Variants in HMCN1 observed in about 807,000 individuals in gnomAD.
The protein encoded by HMCN1 is hemicentin-1.
In HMCN1, 321 loss-of-function variants were observed where a neutral mutation model predicts 625.9. The ratio of observed to expected loss-of-function variants is 0.51; its 90% confidence interval spans 0.47 to 0.56. The LOEUF is 0.56. Ranked by LOEUF, HMCN1 falls within the 20% of genes least tolerant of loss-of-function variation. The pLI, the probability that HMCN1 is intolerant of heterozygous loss-of-function variation, is 0.00. For synonymous variants in HMCN1, 2,425 were observed against 2,417.6 expected (o/e 1.00, Z -0.09); for missense variants, 6,588 against 6,887.3 (o/e 0.96, Z 1.54).
intron 29 of HMCN1, among the ~76,000 whole-genome samples, chr1:186,005,911 G>A (rs937709648): frequency 2.6e-5 from 4 of 152,100 alleles, no homozygotes; most frequent in Non-Finnish European, 5.9e-5. Flanking sequence ...CAAGGCAAGC[G>A]GATCACCTGA....
At chr1:186,053,135 G>A (rs962824202) in intron 43 of HMCN1, 61 bp downstream of exon 43, 261 of 1,467,024 alleles carry the variant, frequency 1.8e-4, no homozygotes, top group African/African-American at 4.1e-4. Flanking sequence ...TATTGATTTC[G>A]TTTAATAAAT....
At chr1:186,081,057 G>A in intron 55 of HMCN1, 150 bp from the exon 56 acceptor site, 2 of 765,158 alleles carry the variant, frequency 2.6e-6, no homozygotes, top group Non-Finnish European at 4.8e-6. Flanking sequence ...CAATTTATTA[G>A]TATAAAATGT....
intron 22 of HMCN1, 58 bp downstream of exon 22, chr1:185,990,501 A>T (rs1652352948): frequency 6.9e-7 from 1 of 1,443,526 alleles, no homozygotes; most frequent in South Asian, 1.1e-5. Flanking sequence ...CTTGGGACAG[A>T]TGGCCATGCC....
chr1:185,972,352 C>T (rs996969258), intron 15 of HMCN1, among the ~76,000 whole-genome samples: 6 of 152,172 alleles, frequency 3.9e-5, no homozygotes, highest in Admixed American at 2.6e-4. Flanking sequence ...ATTCCTTCTT[C>T]CATCCAGTGA....
intron 105 of HMCN1, among the ~76,000 whole-genome samples, chr1:186,186,070 T>C (rs1470766378): frequency 1.3e-5 from 2 of 152,238 alleles, no homozygotes. Context: ...GCTTTAAATA[T>C]ATTTTCATGA....
chr1:186,172,487 G>C (rs893185120), intron 102 of HMCN1, among the ~76,000 whole-genome samples: 2 of 152,122 alleles, frequency 1.3e-5, no homozygotes, highest in African/African-American at 4.8e-5. Context: ...TGTCTGTAGA[G>C]ATTAAAATTC....
chr1:185,828,421 C>T (rs986754843), intron 1 of HMCN1, among the ~76,000 whole-genome samples: 1 of 152,016 alleles, frequency 6.6e-6, no homozygotes, highest in East Asian at 1.9e-4. Context: ...TATGTACTAA[C>T]AACATCAACA....
chr1:185,784,512 T>C (rs1411915021), intron 1 of HMCN1, among the ~76,000 whole-genome samples: 2 of 150,618 alleles, frequency 1.3e-5, no homozygotes, highest in African/African-American at 4.9e-5. Flanking sequence ...ACTTTTCTCT[T>C]TTTTTTTTGC....
chr1:185,859,020 T>G (rs1286314019), intron 2 of HMCN1, among the ~76,000 whole-genome samples: 6 of 558 alleles, frequency 0.011, no homozygotes, highest in African/African-American at 0.094. Context: ...GGGTTAAAGA[T>G]GTGTGTGTGT....
At chr1:185,896,326 A>G (rs926831255) in intron 4 of HMCN1, among the ~76,000 whole-genome samples, 1 of 152,178 alleles carries the variant, frequency 6.6e-6, no homozygotes, top group Non-Finnish European at 1.5e-5. Context: ...ATGGGTGAAT[A>G]CATAGTATTA....
intron 4 of HMCN1, among the ~76,000 whole-genome samples, chr1:185,875,887 C>T (rs776491493): frequency 2.0e-5 from 3 of 151,968 alleles, no homozygotes; most frequent in Non-Finnish European, 4.4e-5. Flanking sequence ...AAGAACACCC[C>T]TCATTTTCTG....
At chr1:186,070,184 C>A (rs747036181) in intron 51 of HMCN1, among the ~76,000 whole-genome samples, 12 of 152,176 alleles carry the variant, frequency 7.9e-5, no homozygotes, top group Non-Finnish European at 1.6e-4. Context: ...AAATAAAAAG[C>A]AAAGCTAACA....
intron 30 of HMCN1, among the ~76,000 whole-genome samples, chr1:186,011,904 T>C (rs1053100683): frequency 6.6e-6 from 1 of 152,172 alleles, no homozygotes; most frequent in East Asian, 1.9e-4. Context: ...TAAGAGTGTT[T>C]AAGAATGATT....
At chr1:185,787,648 T>C (rs1312938886) in intron 1 of HMCN1, among the ~76,000 whole-genome samples, 1 of 147,534 alleles carries the variant, frequency 6.8e-6, no homozygotes, top group Non-Finnish European at 1.5e-5. Context: ...ATGACTGAAA[T>C]CTTGAGTTAA....
intron 1 of HMCN1, among the ~76,000 whole-genome samples, chr1:185,794,697 T>G (rs947629696): frequency 1.3e-5 from 2 of 150,960 alleles, no homozygotes. Context: ...GGTCTGCCTT[T>G]CCCAGCCCAC....
chr1:185,904,573 T>C (rs2208711), intron 4 of HMCN1, among the ~76,000 whole-genome samples: 87,118 of 151,580 alleles, frequency 0.57, 28,101 homozygotes, highest in African/African-American at 0.89. Flanking sequence ...CTCTTGAAAA[T>C]TGTCATTTTT....
At position 186,149,627 on chromosome 1, in the gene HMCN1, T is replaced by C. The variant is rs1650549985; in HGVS notation, c.14609-1573T>C. On this transcript the variant is annotated intron_variant, in intron 93 of 106. Transcript: ENST00000271588. ...AGACTTCTCCCTTTGCATTCACAAC[T>C]TGGCTAACTCTTTGATGCAAGAGGC... is the stretch of plus-strand genomic sequence containing the variant. 2.6e-5 allele frequency among the ~76,000 whole-genome samples: 4 copies of C among 152,258 alleles called. No individual in the cohort carries two copies. In the South Asian group the frequency reaches 8.3e-4, roughly 31 times the overall value.
intron 97 of HMCN1, among the ~76,000 whole-genome samples, chr1:186,158,839 C>T (rs1211395821): frequency 6.6e-6 from 1 of 151,566 alleles, no homozygotes; most frequent in Non-Finnish European, 1.5e-5. Context: ...GTTACTGTAG[C>T]CTTGTAGTAT....
chr1:186,048,830 A>G lies in HMCN1; in HGVS notation c.6568A>G (p.Asn2190Asp), dbSNP rs1200350664. ...AGKTEKNYNV[N>D]IWVPPNIGGS... ...AAAAACTGAAAAAAACTACAATGTC[A>G]ACATTTGGGGTAAGTGTAATCAGCT... The change falls in exon 42 of 107, where the codon AAC (asparagine) becomes GAC (aspartate). Residue 2190 changes from asparagine to aspartate, a missense_variant. Asn to Asp is a conservative substitution (Grantham distance 23). Around this residue, in one of 3 missense-constraint regions of HMCN1, gnomAD observed 4,628 missense variants for 4,853.1 expected, o/e 0.95. Coordinates refer to ENST00000271588, the MANE Select transcript of HMCN1 (RefSeq NM_031935.3). 6.2e-7 allele frequency: 1 copy of G among 1,603,200 alleles called. No homozygotes were observed. The highest frequency in any genetic ancestry group is 2.2e-5 in the East Asian group (1 of 44,706).
Sources: allele counts gnomAD v4.1 joint callset (sites outside exome capture counted in the v4.1 genomes callset), GRCh38; gene constraint gnomAD v4.1.1; regional missense constraint gnomAD v4.1.1; transcripts MANE v1.5; gene names NCBI Gene and HGNC (gene_info 2026-07-23, HGNC 2026-07-21).